Variants in ENTREP2 observed in about 807,000 individuals in gnomAD.
ENTREP2 encodes the protein protein ENTREP2.
chr15:29,383,545 G>A, the ENTREP2 span, among the ~76,000 whole-genome samples: 38 of 152,204 alleles, frequency 2.5e-4, no homozygotes, highest in Non-Finnish European at 4.6e-4. Context: ...CACAAGCCAG[G>A]CATCCGGGCA....
chr15:29,535,115 T>C, the ENTREP2 span, among the ~76,000 whole-genome samples: 1 of 152,004 alleles, frequency 6.6e-6, no homozygotes, highest in Non-Finnish European at 1.5e-5. Context: ...CCGGGCATGG[T>C]GGGGCAAGCC....
chr15:29,656,895 A>T, the ENTREP2 span, among the ~76,000 whole-genome samples: 2 of 152,188 alleles, frequency 1.3e-5, no homozygotes, highest in Admixed American at 1.3e-4. Context: ...AAACCTGTAC[A>T]CAAACGTTTA....
At chr15:29,570,702 G>T in the ENTREP2 span, 1 of 1,115,888 alleles carries the variant, frequency 9.0e-7, no homozygotes, top group East Asian at 4.7e-5. Context: ...CGCGGCGCTC[G>T]GGGGCCGCCG....
chr15:29,482,363 A>T, the ENTREP2 span, among the ~76,000 whole-genome samples: 1 of 151,996 alleles, frequency 6.6e-6, no homozygotes. Context: ...TTATCACCCA[A>T]GTCCATGGTA....
the ENTREP2 span, among the ~76,000 whole-genome samples, chr15:29,516,634 A>C: frequency 6.6e-6 from 1 of 152,132 alleles, no homozygotes; most frequent in Admixed American, 6.5e-5. Context: ...AAAGAGCTTC[A>C]CTTCCATGCA....
the ENTREP2 span, among the ~76,000 whole-genome samples, chr15:29,238,857 C>T: frequency 6.6e-6 from 1 of 152,044 alleles, no homozygotes; most frequent in Non-Finnish European, 1.5e-5. Flanking sequence ...ATCATGATGA[C>T]AGCTCCAAGA....
At chr15:29,123,724 A>C in the ENTREP2 span, 2 of 1,448,150 alleles carry the variant, frequency 1.4e-6, no homozygotes, top group Non-Finnish European at 1.8e-6. Context: ...AAGCAAAGAA[A>C]AGCCTGCTCG....
the ENTREP2 span, among the ~76,000 whole-genome samples, chr15:29,214,457 A>G: frequency 6.6e-6 from 1 of 152,172 alleles, no homozygotes; most frequent in Non-Finnish European, 1.5e-5. Flanking sequence ...CAAACACCGC[A>G]TGTTCTCACA....
At chr15:29,134,289 T>G in the ENTREP2 span, among the ~76,000 whole-genome samples, 1 of 152,222 alleles carries the variant, frequency 6.6e-6, no homozygotes, top group South Asian at 2.1e-4. Flanking sequence ...TTCAGGGCCA[T>G]GCCCACCTCC....
the ENTREP2 span, among the ~76,000 whole-genome samples, chr15:29,433,785 A>G: frequency 0.18 from 26,495 of 149,060 alleles, 2,887 homozygotes; most frequent in Middle Eastern, 0.37. Flanking sequence ...CCATGGGAAA[A>G]AAAAAAAAAA....
the ENTREP2 span, among the ~76,000 whole-genome samples, chr15:29,407,965 C>T: frequency 6.6e-6 from 1 of 152,146 alleles, no homozygotes; most frequent in Non-Finnish European, 1.5e-5. Flanking sequence ...CAGGCCTGAG[C>T]CACTGCACCT....
chr15:29,410,562 A>C, the ENTREP2 span, among the ~76,000 whole-genome samples: 8 of 152,056 alleles, frequency 5.3e-5, no homozygotes, highest in Non-Finnish European at 1.2e-4. Context: ...TGGGTAACAC[A>C]CTTGGACTAG....
chr15:29,213,301 A>C, the ENTREP2 span, among the ~76,000 whole-genome samples: 2,055 of 152,122 alleles, frequency 0.014, 52 homozygotes, highest in African/African-American at 0.046. Flanking sequence ...TATGAACTTT[A>C]AAGTAGTTTT....
chr15:29,207,742 C>T, the ENTREP2 span, among the ~76,000 whole-genome samples: 1 of 152,126 alleles, frequency 6.6e-6, no homozygotes, highest in Admixed American at 6.5e-5. Flanking sequence ...GGCTTCACCT[C>T]TCTCTTCCTT....
chr15:29,491,182 T>C, the ENTREP2 span, among the ~76,000 whole-genome samples: 1 of 152,194 alleles, frequency 6.6e-6, no homozygotes, highest in Non-Finnish European at 1.5e-5. Flanking sequence ...GTGGGGCCGC[T>C]GCCTGCACCC....
At chr15:29,606,180 G>A in the ENTREP2 span, among the ~76,000 whole-genome samples, 9 of 149,608 alleles carry the variant, frequency 6.0e-5, no homozygotes, top group East Asian at 1.8e-3. Context: ...ACAACTTATC[G>A]TTGACAAATC....
the ENTREP2 span, among the ~76,000 whole-genome samples, chr15:29,461,902 C>T: frequency 1.3e-5 from 2 of 152,056 alleles, no homozygotes; most frequent in Admixed American, 1.3e-4. Flanking sequence ...TGAACAACTC[C>T]CCATTCCTCC....
chr15:29,597,556 G>A, the ENTREP2 span, among the ~76,000 whole-genome samples: 14 of 138,924 alleles, frequency 1.0e-4, no homozygotes, highest in South Asian at 2.4e-4. Context: ...CAACAAGAGC[G>A]AAACTCTGTC....
chr15:29,314,034 G>C, the ENTREP2 span, among the ~76,000 whole-genome samples: 1 of 152,238 alleles, frequency 6.6e-6, no homozygotes, highest in Non-Finnish European at 1.5e-5. Flanking sequence ...ATTAGAATTA[G>C]AAGTGGAGCC....
Sources: gnomAD v4.1 joint callset for allele counts (sites outside exome capture counted in the v4.1 genomes callset) on GRCh38, gnomAD v4.1.1 for gene constraint, MANE v1.5 for transcripts, NCBI Gene and HGNC (gene_info 2026-07-23, HGNC 2026-07-21) for gene names.